PSG3: variants seen among roughly 807,000 people sequenced by gnomAD.
The protein encoded by PSG3 is pregnancy-specific beta-1-glycoprotein 3.
A neutral mutation model predicts 47.5 loss-of-function variants in PSG3; 61 were observed. The observed-to-expected ratio is 1.28, with a 90% confidence interval of 1.05 to 1.59. The LOEUF (loss-of-function observed/expected upper bound fraction) is 1.59, where lower values mean the gene tolerates loss of function less well. PSG3 is among the 40% of genes most tolerant of loss of function. The probability of loss-of-function intolerance (pLI) is 0.00; values close to 1 mark genes in which losing one functional copy is unlikely to be tolerated. For missense variants in PSG3, 756 were observed against 524.0 expected (o/e 1.44, Z -4.32); for synonymous variants, 263 against 198.4 (o/e 1.33, Z -2.74).
chr19:42,737,564 G>A (rs1447930015), intron 2 of PSG3, among the ~76,000 whole-genome samples: 1 of 152,166 alleles, frequency 6.6e-6, no homozygotes, highest in Non-Finnish European at 1.5e-5. Flanking sequence ...TGACGGTTGA[G>A]GTAGGTGATT....
Position 42,731,431 on chromosome 19 carries a change from C to T in PSG3, c.709+1353G>A, listed in dbSNP as rs534997267. Among the ~76,000 whole-genome samples the T allele has an allele frequency of 1.1e-4, 16 of 152,180 alleles. No homozygotes were observed. In the South Asian group the frequency reaches 3.3e-3, roughly 32 times the overall value. ...ATTCTTGCCCTTTTTTTTTCTCTCA[C>T]CACTTTTCTAGCTTGGTGATTAGTT... On this transcript the variant is annotated intron_variant, in intron 3 of 6. Coordinates refer to ENST00000327495, the MANE Select transcript of PSG3 (RefSeq NM_021016.4).
At chr19:42,735,182 G>T (rs1164978055) in intron 2 of PSG3, among the ~76,000 whole-genome samples, 1 of 152,094 alleles carries the variant, frequency 6.6e-6, no homozygotes, top group Non-Finnish European at 1.5e-5. Context: ...TTTAAAAATT[G>T]CTATTGTCAA....
At chr19:42,730,669 A>G (rs1691564961) in intron 3 of PSG3, among the ~76,000 whole-genome samples, 1 of 152,214 alleles carries the variant, frequency 6.6e-6, no homozygotes, top group Non-Finnish European at 1.5e-5. Context: ...CAGGTGTTTC[A>G]TGATGACTTA....
chr19:42,725,121 A>C (rs1165872239), intron 5 of PSG3, among the ~76,000 whole-genome samples: 2 of 152,188 alleles, frequency 1.3e-5, no homozygotes, highest in Non-Finnish European at 1.5e-5. Flanking sequence ...TAGGCTAATG[A>C]TGATGGTAGT....
At position 42,737,215 on chromosome 19, in the gene PSG3, G is replaced by A. The variant is rs532995935; in HGVS notation, c.430+1509C>T. Among the ~76,000 whole-genome samples, 15 of 152,280 alleles carry A rather than the reference G, an allele frequency of 9.9e-5. No individual in the cohort carries two copies. In the South Asian group the frequency reaches 3.1e-3, roughly 32 times the overall value. On this transcript the variant is annotated intron_variant, in intron 2 of 6. Transcript: ENST00000327495. ...GGTGGGGTTGCTTTAGGGTCAAGAG[G>A]TAGTGGGGGGATGAAACGTGGGTGT...
At chr19:42,731,276 G>C (rs1290066002) in intron 3 of PSG3, among the ~76,000 whole-genome samples, 1 of 152,192 alleles carries the variant, frequency 6.6e-6, no homozygotes, top group Non-Finnish European at 1.5e-5. Flanking sequence ...TTTTGATTCT[G>C]AAATATTTGT....
At position 42,738,789 on chromosome 19, in the gene PSG3, A is replaced by C; in HGVS notation, c.365T>G (p.Leu122Ter). ...VTREDAGSYTLHIVKRGDGTR... is the reference protein window; with the variant it reads ...VTREDAGSYT ...CCCATCACCTCGCTTTACGATGTGT[A>C]AGGTGTAGGATCCTGCGTCCTCCCG... is the stretch of plus-strand genomic sequence containing the variant. The change falls in exon 2 of 7, where the codon TTA becomes TGA. Residue 122 changes from leucine (L) to a stop codon, truncating the protein, a stop_gained. Coordinates refer to ENST00000327495, the MANE Select transcript of PSG3 (RefSeq NM_021016.4). LOFTEE classifies it high-confidence loss of function. 2 of 1,614,090 alleles carry C rather than the reference A, an allele frequency of 1.2e-6. No homozygotes were observed. The highest frequency in any genetic ancestry group is 8.5e-7 in the Non-Finnish European group (1 of 1,179,972).
intron 2 of PSG3, 120 bp downstream of exon 2, chr19:42,738,604 A>T: frequency 1.3e-6 from 2 of 1,586,688 alleles, no homozygotes; most frequent in Non-Finnish European, 8.6e-7. Context: ...TAAATGCCCA[A>T]ACCCCAGCAT....
In PSG3 at chr19:42,723,924, G is replaced by C. The variant is rs1969334507; in HGVS notation, c.*40+18C>G. On this transcript the variant is annotated intron_variant, in intron 6 of 6. Transcript: ENST00000327495. ...GTTAGCCCTGCAGGAACCAGGATAA[G>C]AGGAAAGGTCATCATACCTGCCAGT... The C allele has an allele frequency of 3.2e-6, 5 of 1,539,916 alleles. No homozygotes were observed. In the East Asian group the frequency reaches 1.1e-4, roughly 35 times the overall value.
chr19:42,738,328 A>T, intron 2 of PSG3, among the ~76,000 whole-genome samples: 1 of 152,190 alleles, frequency 6.6e-6, no homozygotes, highest in Admixed American at 6.5e-5. Context: ...ATTTAGGGAC[A>T]TGGTTCTGGG....
chr19:42,733,275 C>T lies in PSG3; in HGVS notation c.431-213G>A, dbSNP rs918199278. 31 of 1,101,158 alleles carry T rather than the reference C, an allele frequency of 2.8e-5. No individual in the cohort carries two copies. The African/African-American group carries it at 4.5e-4, about 16-fold the overall frequency. 68.2% of individuals were successfully genotyped at this position (1,101,158 alleles called of 1,614,324 possible). ...TTCGTGTGGGAGAAGCACAGACTTTCTTAACTGTGAATTGAGCAGCAGCAT... is the reference window on the plus strand; with the variant it reads ...TTCGTGTGGGAGAAGCACAGACTTTTTTAACTGTGAATTGAGCAGCAGCAT... On this transcript the variant is annotated intron_variant, in intron 2 of 6. Coordinates refer to ENST00000327495, the MANE Select transcript of PSG3 (RefSeq NM_021016.4).
chr19:42,736,657 T>TGTGG lies in PSG3; in HGVS notation c.430+2066_430+2067insCCAC, dbSNP rs1330603976. On this transcript the variant is annotated intron_variant, in intron 2 of 6. Transcript: ENST00000327495. The stretch of plus-strand genomic sequence containing the variant: ...GTGTGTGTGTGTGTGTGTGTGTGTG[T>TGTGG]GTGCAGGAGGCCAGAAGAACTTGTC... 8.9e-5 allele frequency among the ~76,000 whole-genome samples: 11 copies of TGTGG among 123,540 alleles called. 1 individual carries two copies. Among genetic ancestry groups the TGTGG allele is most frequent in the African/African-American group, 2.8e-4 (10 of 35,250 alleles). The allele number at this position is 123,540 out of a possible 152,430, so 81.0% of individuals were successfully genotyped here.
Position 42,740,348 on chromosome 19 carries a change from T to G in PSG3, c.37A>C (p.Ile13Leu). Residue 13 changes from isoleucine (I) to leucine (L), a missense_variant, in exon 1 of 7, where the codon ATC becomes CTC. Ile to Leu is a conservative substitution (Grantham distance 5). Coordinates refer to ENST00000327495, the MANE Select transcript of PSG3 (RefSeq NM_021016.4). Reference sequence around the variant, plus strand: ...GTGAGCAGGAGCCCCTTCCAGGTGATGCGCTGTGTGCAGGGAGGGGCTGAG... The same window carrying G: ...GTGAGCAGGAGCCCCTTCCAGGTGAGGCGCTGTGTGCAGGGAGGGGCTGAG... ...PLSAPPCTQRITWKGLLLTAL... is the reference protein window; with the variant it reads ...PLSAPPCTQRLTWKGLLLTAL... 6.2e-7 allele frequency: 1 copy of G among 1,613,994 alleles called. No homozygotes were observed. The highest frequency in any genetic ancestry group is 8.5e-7 in the Non-Finnish European group (1 of 1,179,884).
chr19:42,732,806 G>C lies in PSG3; in HGVS notation c.687C>G (p.Asp229Glu). The stretch of plus-strand genomic sequence containing the variant: ...CACGGAGGAGATTCAGGGTGACTGG[G>C]TCACTGCGGCTGGCACTCACTGGGT... ...IRNPVSASRS[D>E]PVTLNLLPKL... The change falls in exon 3 of 7, where the codon GAC becomes GAG. Residue 229 changes from aspartate to glutamate, a missense_variant. By Grantham distance (45) the Asp-to-Glu change is conservative. Coordinates refer to ENST00000327495, the MANE Select transcript of PSG3 (RefSeq NM_021016.4). The C allele has an allele frequency of 6.2e-7, 1 of 1,614,180 alleles. No homozygotes were observed. The highest frequency in any genetic ancestry group is 8.5e-7 in the Non-Finnish European group (1 of 1,180,020).
At chr19:42,737,400 T>C (rs183985991) in intron 2 of PSG3, among the ~76,000 whole-genome samples, 10 of 152,198 alleles carry the variant, frequency 6.6e-5, no homozygotes, top group Admixed American at 2.6e-4. Flanking sequence ...GGGCCTATGG[T>C]GGTGTAGGGT....
rs886582784 is a variant in PSG3, at chr19:42,722,348, T to C, written c.*41-258A>G. Among the ~76,000 whole-genome samples, 31 of 152,260 alleles carry C rather than the reference T, an allele frequency of 2.0e-4. 1 individual carries two copies. The highest frequency in any genetic ancestry group is 8.5e-4 in the Admixed American group (13 of 15,304). Reference sequence around the variant, plus strand: ...TCACTGCAAGCTCCGCCTCCCGGGTTCCTGCCATTCTCCTGCCTCAGCCTC... The same window carrying C: ...TCACTGCAAGCTCCGCCTCCCGGGTCCCTGCCATTCTCCTGCCTCAGCCTC... On this transcript the variant is annotated intron_variant, in intron 6 of 6. Transcript: ENST00000327495.
chr19:42,733,175 A>G lies in PSG3; in HGVS notation c.431-113T>C. The G allele has an allele frequency of 2.6e-6, 4 of 1,515,986 alleles. No homozygotes were observed. In the South Asian group the frequency reaches 4.0e-5, roughly 15 times the overall value. The allele number at this position is 1,515,986 out of a possible 1,614,324, so 93.9% of individuals were successfully genotyped here. A position where few individuals can be genotyped will look rare whatever the true frequency, so the allele number is the denominator to read the frequency against. On this transcript the variant is annotated intron_variant, in intron 2 of 6. Transcript: ENST00000327495. ...CTCTCAGCCCACCCAAGTCCTTAAAAGCCCATGGCAGGTGTGTGTGTTACA... is the reference window on the plus strand; with the variant it reads ...CTCTCAGCCCACCCAAGTCCTTAAAGGCCCATGGCAGGTGTGTGTGTTACA...
chr19:42,725,890 C>CAAAAAAAAAAAAAAAA (rs200684147), intron 5 of PSG3, among the ~76,000 whole-genome samples: 73 of 68,014 alleles, frequency 1.1e-3, no homozygotes, highest in African/African-American at 1.5e-3. Flanking sequence ...CAACAACAAC[C>CAAAAAAAAAAAAAAAA]AAAAAAAAAA....
At chr19:42,737,556 A>G (rs1431862947) in intron 2 of PSG3, among the ~76,000 whole-genome samples, 1 of 152,114 alleles carries the variant, frequency 6.6e-6, no homozygotes, top group African/African-American at 2.4e-5. Context: ...ACTGACTCTG[A>G]CGGTTGAGGT....
Sources: gnomAD v4.1 joint callset for allele counts (sites outside exome capture counted in the v4.1 genomes callset) on GRCh38, gnomAD v4.1.1 for gene constraint, MANE v1.5 for transcripts, NCBI Gene and HGNC (gene_info 2026-07-23, HGNC 2026-07-21) for gene names.